Variants in PRKG1 observed in about 807,000 individuals in gnomAD.
PRKG1 encodes the protein cGMP-dependent protein kinase 1.
In PRKG1, 35 loss-of-function variants were observed where a neutral mutation model predicts 88.1. The observed-to-expected ratio is 0.40, with a 90% CI of 0.30 to 0.53. The LOEUF is 0.53. Among genes scored for constraint, PRKG1 ranks in the 20% least tolerant of loss-of-function variants. The pLI is 0.59. For synonymous variants in PRKG1, 303 were observed against 292.5 expected, an observed-to-expected ratio of 1.04 and a Z score of -0.37; for missense variants, 540 against 839.8, an observed-to-expected ratio of 0.64 and a Z score of 4.41.
chr10:51,077,334 G>T (rs944424964), intron 1 of PRKG1, among the ~76,000 whole-genome samples: 1 of 152,236 alleles, frequency 6.6e-6, no homozygotes. Context: ...ATAGATTATT[G>T]TGAGTTTCCA....
rs188521358 is a variant in PRKG1, at chr10:51,938,028, C to T, written c.762+30458C>T. Among the ~76,000 whole-genome samples the T allele has an allele frequency of 2.2e-4, 33 of 152,062 alleles. No individual in the cohort carries two copies. The East Asian group carries it at 6.0e-3, about 28-fold the overall frequency. ...CCTGACTTCCAACCATCAACATTGT[C>T]TTGGCTTCATGATCTAAAATCACCT... is the stretch of plus-strand genomic sequence containing the variant. On this transcript the variant is annotated intron_variant, in intron 5 of 17. Coordinates refer to ENST00000373980, the MANE Select transcript of PRKG1 (RefSeq NM_006258.4).
chr10:51,495,126 G>A (rs185948151), intron 3 of PRKG1, among the ~76,000 whole-genome samples: 5 of 151,630 alleles, frequency 3.3e-5, no homozygotes, highest in Non-Finnish European at 7.4e-5. Flanking sequence ...ACAGAGTCTC[G>A]CTCTGTCACC....
At chr10:51,733,509 G>A (rs2132475016) in intron 3 of PRKG1, among the ~76,000 whole-genome samples, 1 of 152,198 alleles carries the variant, frequency 6.6e-6, no homozygotes, top group South Asian at 2.1e-4. Context: ...CTTACACTTT[G>A]CTTTTTTTCT....
chr10:51,330,143 TTA>T (rs1841699681), intron 2 of PRKG1, among the ~76,000 whole-genome samples: 1 of 142,392 alleles, frequency 7.0e-6, no homozygotes, highest in African/African-American at 2.5e-5. Flanking sequence ...ATTTATTTAT[TTA>T]TTTTTTATTT....
chr10:51,832,948 G>T (rs1177503170), intron 4 of PRKG1, among the ~76,000 whole-genome samples: 2 of 152,128 alleles, frequency 1.3e-5, no homozygotes, highest in Admixed American at 6.6e-5. Flanking sequence ...CTTCTCCTGT[G>T]ATATGAATAA....
At chr10:51,929,951 G>A (rs917826049) in intron 5 of PRKG1, among the ~76,000 whole-genome samples, 1 of 152,146 alleles carries the variant, frequency 6.6e-6, no homozygotes, top group African/African-American at 2.4e-5. Context: ...CCACATAGAA[G>A]CGTTATTGGA....
chr10:52,127,059 C>G (rs1013723611), intron 7 of PRKG1, among the ~76,000 whole-genome samples: 1 of 151,930 alleles, frequency 6.6e-6, no homozygotes, highest in Admixed American at 6.6e-5. Flanking sequence ...GAGGCCAGAT[C>G]AGTGGTGCAG....
Position 52,242,630 on chromosome 10 carries a change from C to T in PRKG1, c.1077-8940C>T, listed in dbSNP as rs375071755. Reference sequence around the variant, plus strand: ...AGAAAAATTTGGCCAGGCACGGTGCCTCACACCTGTAATCCCAACACTTTA... The same window carrying T: ...AGAAAAATTTGGCCAGGCACGGTGCTTCACACCTGTAATCCCAACACTTTA... On this transcript the variant is annotated intron_variant, in intron 9 of 17. Coordinates refer to ENST00000373980, the MANE Select transcript of PRKG1 (RefSeq NM_006258.4). 5.3e-5 allele frequency among the ~76,000 whole-genome samples: 8 copies of T among 152,204 alleles called. No homozygotes were observed. In the South Asian group the frequency reaches 1.4e-3, roughly 28 times the overall value.
intron 3 of PRKG1, among the ~76,000 whole-genome samples, chr10:51,584,524 C>A (rs10823243): frequency 0.36 from 55,321 of 151,766 alleles, 10,753 homozygotes; most frequent in Non-Finnish European, 0.45. Context: ...ATAGTGCACC[C>A]TACTAAGTAG....
intron 2 of PRKG1, among the ~76,000 whole-genome samples, chr10:51,279,320 C>T (rs1589308137): frequency 6.6e-6 from 1 of 152,144 alleles, no homozygotes; most frequent in Non-Finnish European, 1.5e-5. Context: ...GTCTGAGAGA[C>T]AGTTTGTTAT....
intron 7 of PRKG1, among the ~76,000 whole-genome samples, chr10:52,065,433 C>A (rs1846333153): frequency 6.6e-6 from 1 of 152,094 alleles, no homozygotes; most frequent in Admixed American, 6.5e-5. Flanking sequence ...CATTATGAGC[C>A]TTTTTCTTCA....
At chr10:52,115,214 C>T (rs1485441821) in intron 7 of PRKG1, among the ~76,000 whole-genome samples, 2 of 151,896 alleles carry the variant, frequency 1.3e-5, no homozygotes, top group East Asian at 3.9e-4. Flanking sequence ...ACAACATTGG[C>T]CATACATTAT....
Position 51,221,787 on chromosome 10 carries a change from A to G in PRKG1, c.478+68457A>G, listed in dbSNP as rs114468229. On this transcript the variant is annotated intron_variant, in intron 2 of 17. Transcript: ENST00000373980. ...ATCTAGTCCAACCAGCAGTGCCTCA[A>G]CAAAGGCTAAGCATCAGAGGCAGAA... 9.9e-3 allele frequency among the ~76,000 whole-genome samples: 1,510 copies of G among 152,222 alleles called. 23 individuals carry two copies. Among genetic ancestry groups the G allele is most frequent in the African/African-American group, 0.035 (1,439 of 41,562 alleles).
chr10:52,079,244 T>A (rs1460870716), intron 7 of PRKG1, among the ~76,000 whole-genome samples: 1 of 152,186 alleles, frequency 6.6e-6, no homozygotes, highest in Non-Finnish European at 1.5e-5. Flanking sequence ...TCCACTGTAA[T>A]TCAGATCTTT....
intron 7 of PRKG1, among the ~76,000 whole-genome samples, chr10:52,090,607 A>G (rs574902903): frequency 6.6e-6 from 1 of 152,198 alleles, no homozygotes. Flanking sequence ...CTTTAAGGTG[A>G]AAGGGGATAT....
intron 3 of PRKG1, among the ~76,000 whole-genome samples, chr10:51,469,725 CTTT>C (rs1317389043): frequency 6.6e-6 from 1 of 151,776 alleles, no homozygotes; most frequent in Non-Finnish European, 1.5e-5. Context: ...ACATGTTCTT[CTTT>C]AACACAGACT....
intron 5 of PRKG1, among the ~76,000 whole-genome samples, chr10:52,004,320 C>T (rs1418842347): frequency 1.3e-5 from 2 of 152,128 alleles, no homozygotes; most frequent in African/African-American, 4.8e-5. Flanking sequence ...GCAAGAGTTA[C>T]TTGCATTGTT....
intron 2 of PRKG1, among the ~76,000 whole-genome samples, chr10:51,424,541 G>A (rs2132713217): frequency 6.6e-6 from 1 of 152,200 alleles, no homozygotes; most frequent in Admixed American, 6.5e-5. Flanking sequence ...TTGGAGGGTA[G>A]CGTTGATTAT....
chr10:52,113,299 A>G (rs1355967676), intron 7 of PRKG1, among the ~76,000 whole-genome samples: 1 of 152,168 alleles, frequency 6.6e-6, no homozygotes, highest in Admixed American at 6.6e-5. Flanking sequence ...ATTATTCATT[A>G]TGTATCATTG....
Sources: allele counts gnomAD v4.1 joint callset (sites outside exome capture counted in the v4.1 genomes callset), GRCh38; gene constraint gnomAD v4.1.1; transcripts MANE v1.5; gene names NCBI Gene and HGNC (gene_info 2026-07-23, HGNC 2026-07-21).